Variants in SKAP1 observed in about 807,000 individuals in gnomAD.
The protein encoded by SKAP1 is src kinase associated phosphoprotein 1, also known as src kinase-associated phosphoprotein 1.
In SKAP1, 44 loss-of-function variants were observed where a neutral mutation model predicts 58.5. The ratio of observed to expected loss-of-function variants is 0.75; its 90% CI spans 0.59 to 0.97. SKAP1 has a LOEUF of 0.97. Ranked by LOEUF, SKAP1 falls within the 50% of genes least tolerant of loss-of-function variation. The pLI, the probability that SKAP1 is intolerant of heterozygous loss-of-function variation, is 0.00. For missense variants in SKAP1, 390 were observed against 435.2 expected (o/e 0.90, Z 0.92); for synonymous variants, 127 against 149.7 (o/e 0.85, Z 1.11).
chr17:48,254,423 T>C (rs1361318467), intron 4 of SKAP1, among the ~76,000 whole-genome samples: 1 of 152,112 alleles, frequency 6.6e-6, no homozygotes. Flanking sequence ...ACATAAATGT[T>C]TGAGAAATTT....
At chr17:48,280,476 G>A (rs2065752951) in intron 4 of SKAP1, among the ~76,000 whole-genome samples, 1 of 152,054 alleles carries the variant, frequency 6.6e-6, no homozygotes, top group African/African-American at 2.4e-5. Context: ...GACAGAGTGA[G>A]ACTCTGTCTC....
At chr17:48,328,649 C>A (rs904300420) in intron 4 of SKAP1, among the ~76,000 whole-genome samples, 11 of 152,082 alleles carry the variant, frequency 7.2e-5, no homozygotes, top group African/African-American at 2.7e-4. Context: ...CTGTGCAAAT[C>A]CATTAACTAT....
chr17:48,399,796 G>A (rs1256622336), intron 1 of SKAP1, among the ~76,000 whole-genome samples: 2 of 151,586 alleles, frequency 1.3e-5, no homozygotes, highest in African/African-American at 4.8e-5. Flanking sequence ...AAAATAAATG[G>A]TCAAAGACTG....
intron 12 of SKAP1, among the ~76,000 whole-genome samples, chr17:48,134,078 A>AC (rs1426309550): frequency 6.6e-6 from 1 of 152,070 alleles, no homozygotes; most frequent in African/African-American, 2.4e-5. Flanking sequence ...TTTTAAACTT[A>AC]CCAACATATT....
Position 48,404,046 on chromosome 17 carries a change from G to A in SKAP1, c.47-7261C>T, listed in dbSNP as rs989756050. Among the ~76,000 whole-genome samples, 12 of 148,466 alleles carry A rather than the reference G, an allele frequency of 8.1e-5. No individual in the cohort carries two copies. In the South Asian group the frequency reaches 8.5e-4, roughly 11 times the overall value. On this transcript the variant is annotated intron_variant, in intron 1 of 12. Coordinates refer to ENST00000336915, the MANE Select transcript of SKAP1 (RefSeq NM_003726.4). ...GGAGAGTGCAGTGAGCTGAGATTGC[G>A]CCACTGCACTCCAGCCTGGGAGACA...
rs1367719074 is a variant in SKAP1, at chr17:48,159,783, G to T, written c.978+2686C>A. Reference sequence around the variant, plus strand: ...ATGAATAGATTGGGTGGCCTTTTAAGGTTCCCTCCTGTCCAAGGACTATTA... The same window carrying T: ...ATGAATAGATTGGGTGGCCTTTTAATGTTCCCTCCTGTCCAAGGACTATTA... On this transcript the variant is annotated intron_variant, in intron 11 of 12. Transcript: ENST00000336915. 6.6e-5 allele frequency among the ~76,000 whole-genome samples: 10 copies of T among 152,314 alleles called. No homozygotes were observed. In the East Asian group the frequency reaches 1.9e-3, roughly 29 times the overall value.
chr17:48,411,124 G>C (rs1165481362), intron 1 of SKAP1, among the ~76,000 whole-genome samples: 1 of 151,952 alleles, frequency 6.6e-6, no homozygotes, highest in East Asian at 1.9e-4. Context: ...GTGAGGCCGG[G>C]CACGGTGGCT....
At chr17:48,186,500 G>T (rs1259449823) in intron 6 of SKAP1, among the ~76,000 whole-genome samples, 16 of 149,890 alleles carry the variant, frequency 1.1e-4, no homozygotes, top group Admixed American at 1.1e-3. Context: ...ATTTATTTAT[G>T]GTTGAGACAG....
chr17:48,202,131 A>C (rs1435201256), intron 4 of SKAP1, among the ~76,000 whole-genome samples: 1 of 152,218 alleles, frequency 6.6e-6, no homozygotes, highest in Non-Finnish European at 1.5e-5. Context: ...TTTAAGGAGG[A>C]ATCAAATGAT....
At position 48,304,282 on chromosome 17, in the gene SKAP1, C is replaced by G. The variant is rs565048373; in HGVS notation, c.280+41623G>C. On this transcript the variant is annotated intron_variant, in intron 4 of 12. Coordinates refer to ENST00000336915, the MANE Select transcript of SKAP1 (RefSeq NM_003726.4). ...CAGATAAGGAAAGGAAGTCTCTAAC[C>G]TGTCTAATTCCTGGTTCTATCATAC... Among the ~76,000 whole-genome samples the G allele has an allele frequency of 3.3e-5, 5 of 152,284 alleles. No homozygotes were observed. The East Asian group carries it at 9.6e-4, about 29-fold the overall frequency.
intron 4 of SKAP1, among the ~76,000 whole-genome samples, chr17:48,223,858 A>G (rs2065032480): frequency 6.6e-6 from 1 of 152,130 alleles, no homozygotes; most frequent in Admixed American, 6.6e-5. Context: ...GTATGAGAGG[A>G]AAAGCAGATG....
chr17:48,349,671 C>T (rs16955819), intron 3 of SKAP1, among the ~76,000 whole-genome samples: 3,735 of 152,196 alleles, frequency 0.025, 142 homozygotes, highest in African/African-American at 0.084. Flanking sequence ...GCAGGTTCTC[C>T]ACCCAGTACA....
At chr17:48,232,473 C>T (rs1451310721) in intron 4 of SKAP1, among the ~76,000 whole-genome samples, 1 of 152,166 alleles carries the variant, frequency 6.6e-6, no homozygotes, top group Non-Finnish European at 1.5e-5. Flanking sequence ...TAACAGATGG[C>T]TGTAAAGGTG....
intron 3 of SKAP1, among the ~76,000 whole-genome samples, chr17:48,354,424 A>C (rs566317543): frequency 6.6e-6 from 1 of 152,260 alleles, no homozygotes; most frequent in Non-Finnish European, 1.5e-5. Flanking sequence ...AAAGTGCATA[A>C]ATCTTAAGGG....
chr17:48,249,694 C>A (rs73324786), intron 4 of SKAP1, among the ~76,000 whole-genome samples: 1 of 151,648 alleles, frequency 6.6e-6, no homozygotes, highest in Non-Finnish European at 1.5e-5. Context: ...GGAAGCCCCC[C>A]GCAAAAACCA....
intron 4 of SKAP1, among the ~76,000 whole-genome samples, chr17:48,237,858 G>A (rs996215268): frequency 3.3e-5 from 5 of 151,470 alleles, no homozygotes; most frequent in Non-Finnish European, 7.4e-5. Context: ...TAATTCCTAA[G>A]ATTTTGTATA....
At chr17:48,371,762 GTGAGGT>G (rs1223084780) in intron 2 of SKAP1, among the ~76,000 whole-genome samples, 1 of 147,432 alleles carries the variant, frequency 6.8e-6, no homozygotes, top group Non-Finnish European at 1.5e-5. Flanking sequence ...CCTTGAGCCT[GTGAGGT>G]TGAGGCAGCA....
intron 4 of SKAP1, among the ~76,000 whole-genome samples, chr17:48,321,380 T>TATTATG (rs2066362533): frequency 6.8e-6 from 1 of 146,876 alleles, no homozygotes; most frequent in Non-Finnish European, 1.5e-5. Flanking sequence ...TTATTATTAT[T>TATTATG]ATTATTATTA....
In SKAP1 at chr17:48,299,658, T is replaced by C. The variant is rs529242624; in HGVS notation, c.280+46247A>G. Among the ~76,000 whole-genome samples, 29 of 152,342 alleles carry C rather than the reference T, an allele frequency of 1.9e-4. No individual in the cohort carries two copies. In the South Asian group the frequency reaches 5.6e-3, roughly 29 times the overall value. Reference sequence around the variant, plus strand: ...ACAAACATTTATTGAATGTCTAATATGTGCTGACAGCCCACAATCCTTTGG... The same window carrying C: ...ACAAACATTTATTGAATGTCTAATACGTGCTGACAGCCCACAATCCTTTGG... On this transcript the variant is annotated intron_variant, in intron 4 of 12. Coordinates refer to ENST00000336915, the MANE Select transcript of SKAP1 (RefSeq NM_003726.4).
Sources: gnomAD v4.1 joint callset for allele counts (sites outside exome capture counted in the v4.1 genomes callset) on GRCh38, gnomAD v4.1.1 for gene constraint, MANE v1.5 for transcripts, NCBI Gene and HGNC (gene_info 2026-07-23, HGNC 2026-07-21) for gene names.